Variants in STK17A observed in about 807,000 individuals in gnomAD.
STK17A encodes serine/threonine kinase 17a.
Under a neutral mutation model 43.7 loss-of-function variants are expected in STK17A, and 26 were observed. The ratio of observed to expected loss-of-function variants is 0.60; its 90% CI spans 0.44 to 0.83. The LOEUF is 0.83. Ranked by LOEUF, STK17A falls within the 40% of genes least tolerant of loss-of-function variation. The pLI, the probability that STK17A is intolerant of heterozygous loss-of-function variation, is 0.00. For synonymous variants in STK17A, 191 were observed against 182.5 expected (o/e 1.05, Z -0.38); for missense variants, 476 against 511.6 (o/e 0.93, Z 0.67).
At chr7:43,592,269 T>C (rs2082484955) in intron 1 of STK17A, among the ~76,000 whole-genome samples, 1 of 151,618 alleles carries the variant, frequency 6.6e-6, no homozygotes, top group Admixed American at 6.6e-5. Flanking sequence ...AATTACTCTT[T>C]GAGGAATTCA....
chr7:43,623,356 C>T, intron 4 of STK17A: 1 of 517,474 alleles, frequency 1.9e-6, no homozygotes, highest in Non-Finnish European at 3.4e-6. Flanking sequence ...ACTAGGGACT[C>T]AACAATGGTG....
chr7:43,594,473 A>G (rs2152970972), intron 1 of STK17A, among the ~76,000 whole-genome samples: 1 of 152,344 alleles, frequency 6.6e-6, no homozygotes. Flanking sequence ...TGAAGACCTT[A>G]TTAAGATAAT....
chr7:43,619,866 AT>A, intron 4 of STK17A, 143 bp downstream of exon 4: 1 of 1,159,838 alleles, frequency 8.6e-7, no homozygotes, highest in Non-Finnish European at 1.2e-6. Context: ...TTTGGATTAC[AT>A]TTTACAATGG....
At chr7:43,623,477 C>T in intron 4 of STK17A, 95 bp from the exon 5 acceptor site, 1 of 988,606 alleles carries the variant, frequency 1.0e-6, no homozygotes, top group Non-Finnish European at 1.6e-6. Context: ...TTGGATAGTG[C>T]CTTATAGTTT....
intron 2 of STK17A, among the ~76,000 whole-genome samples, chr7:43,606,251 A>G (rs181937916): frequency 3.9e-5 from 6 of 152,328 alleles, no homozygotes; most frequent in Non-Finnish European, 5.9e-5. Context: ...AATTTGAATA[A>G]TGAGAAAGTA....
intron 1 of STK17A, among the ~76,000 whole-genome samples, chr7:43,594,875 TAAAA>T: frequency 9.3e-6 from 1 of 107,448 alleles, no homozygotes; most frequent in African/African-American, 3.2e-5. Context: ...CCCAGTCTCT[TAAAA>T]AAAAAAAAAA....
intron 1 of STK17A, among the ~76,000 whole-genome samples, chr7:43,584,871 CA>C (rs1337603214): frequency 6.6e-6 from 1 of 152,130 alleles, no homozygotes; most frequent in African/African-American, 2.4e-5. Context: ...GTCGACATTC[CA>C]AACATTCTGA....
In STK17A at chr7:43,616,459, GAGTAATC is replaced by G. The variant is rs2083353448; in HGVS notation, c.565-3133_565-3127del. 2.6e-5 allele frequency among the ~76,000 whole-genome samples: 4 copies of G among 152,284 alleles called. No individual in the cohort carries two copies. In the South Asian group the frequency reaches 6.2e-4, roughly 24 times the overall value. Reference sequence around the variant, plus strand: ...GTAGGCACTGATCACAGTGACAAAAGAGTAATCAGTACTGTGGCTTCTGTCCTCATGA... The same window carrying G: ...GTAGGCACTGATCACAGTGACAAAAGAGTACTGTGGCTTCTGTCCTCATGA... On this transcript the variant is annotated intron_variant, in intron 3 of 6. Transcript: ENST00000319357.
chr7:43,608,653 G>GA (rs1398560551), intron 3 of STK17A: 2 of 303,140 alleles, frequency 6.6e-6, no homozygotes, highest in Non-Finnish European at 1.2e-5. Context: ...GACAGAACTT[G>GA]AGCTAGATCT....
Position 43,596,108 on chromosome 7 carries a change from G to A in STK17A, c.414G>A (p.Leu138=). ...YETASEMILV[L]EYAAGGEIFD... is the part of the protein sequence containing the mutation. ...CTGCATCAGAAATGATCTTAGTTCT[G>A]GAATAGTAAGTATTGTCTTTCTTAG... Residue 138 remains leucine, a synonymous_variant, in exon 2 of 7, where the codon CTG becomes CTA. Transcript: ENST00000319357. 5 of 1,607,514 alleles carry A rather than the reference G, an allele frequency of 3.1e-6. No homozygotes were observed. Among genetic ancestry groups the A allele is most frequent in the Non-Finnish European group, 4.2e-6 (5 of 1,176,472 alleles).
chr7:43,620,895 G>T (rs1345542802), intron 4 of STK17A, among the ~76,000 whole-genome samples: 4 of 152,158 alleles, frequency 2.6e-5, no homozygotes, highest in Non-Finnish European at 4.4e-5. Context: ...GAATGGAGAA[G>T]GCTGTGGCCT....
At chr7:43,610,471 G>C (rs1355773041) in intron 3 of STK17A, among the ~76,000 whole-genome samples, 2 of 151,078 alleles carry the variant, frequency 1.3e-5, no homozygotes, top group Non-Finnish European at 2.9e-5. Context: ...TTCAAGACCA[G>C]CCTGGCCAAC....
At chr7:43,585,357 TA>T (rs920829468) in intron 1 of STK17A, among the ~76,000 whole-genome samples, 2 of 142,998 alleles carry the variant, frequency 1.4e-5, no homozygotes, top group Non-Finnish European at 3.3e-5. Context: ...CACCAGGTGT[TA>T]TGGTACCAAT....
chr7:43,625,706 A>G lies in STK17A; in HGVS notation c.*864A>G, dbSNP rs2084438978. On this transcript the variant is annotated 3_prime_UTR_variant, in exon 7 of 7. Transcript: ENST00000319357. ...TCTGGTTACCTTGGTCAGTGAAAAG[A>G]TGCTACTATATTGCTTTTGTCCCAA... 1 of 152,004 alleles carries G rather than the reference A, an allele frequency of 6.6e-6. No individual in the cohort carries two copies. Among genetic ancestry groups the G allele is most frequent in the Admixed American group, 6.6e-5 (1 of 15,244 alleles). 9.4% of individuals were successfully genotyped at this position (152,004 alleles called of 1,614,324 possible).
intron 1 of STK17A, among the ~76,000 whole-genome samples, chr7:43,595,017 C>T (rs1255278552): frequency 2.6e-5 from 4 of 152,048 alleles, no homozygotes; most frequent in Non-Finnish European, 5.9e-5. Flanking sequence ...TACTTTTAAT[C>T]AGTATGCTAT....
At chr7:43,600,529 G>A (rs1434085591) in intron 2 of STK17A, among the ~76,000 whole-genome samples, 1 of 152,084 alleles carries the variant, frequency 6.6e-6, no homozygotes, top group African/African-American at 2.4e-5. Context: ...ATACATGAAT[G>A]TAAATTGCCT....
chr7:43,591,787 A>G (rs537434580), intron 1 of STK17A, among the ~76,000 whole-genome samples: 2 of 151,710 alleles, frequency 1.3e-5, no homozygotes, highest in African/African-American at 4.8e-5. Flanking sequence ...TTGCCCTGTT[A>G]AATTCTAACT....
intron 1 of STK17A, among the ~76,000 whole-genome samples, chr7:43,587,154 G>GTTTTTTTTT (rs71011929): frequency 3.4e-4 from 38 of 112,094 alleles, no homozygotes; most frequent in South Asian, 5.9e-4. Context: ...ATTGTTTTTT[G>GTTTTTTTTT]TTTTTTTTTT....
chr7:43,601,114 TA>T (rs2082551721), intron 2 of STK17A, among the ~76,000 whole-genome samples: 1 of 152,158 alleles, frequency 6.6e-6, no homozygotes, highest in African/African-American at 2.4e-5. Flanking sequence ...ATATTAAGTT[TA>T]AAAAAGCATG....
Sources: gnomAD v4.1 joint callset for allele counts (sites outside exome capture counted in the v4.1 genomes callset) on GRCh38, gnomAD v4.1.1 for gene constraint, MANE v1.5 for transcripts, NCBI Gene and HGNC (gene_info 2026-07-23, HGNC 2026-07-21) for gene names.